The following DLG2 variants were observed in gnomAD, a reference collection of about 807,000 sequenced individuals.
DLG2 encodes discs large MAGUK scaffold protein 2.
A neutral mutation model predicts 132.5 loss-of-function variants in DLG2; 45 were observed. The observed-to-expected ratio is 0.34, with a 90% CI of 0.27 to 0.44. DLG2 has a LOEUF of 0.44. Among genes scored for constraint, DLG2 ranks in the 20% least tolerant of loss-of-function variants. The pLI is 1.00. For synonymous variants in DLG2, 424 were observed against 419.6 expected, an observed-to-expected ratio of 1.01 and a Z score of -0.13; for missense variants, 1,045 against 1,196.9, an observed-to-expected ratio of 0.87 and a Z score of 1.87.
intron 3 of DLG2, among the ~76,000 whole-genome samples, chr11:85,397,137 G>A (rs1451341539): frequency 6.6e-6 from 1 of 152,126 alleles, no homozygotes; most frequent in Non-Finnish European, 1.5e-5. Context: ...CATTCTTAAA[G>A]AAAAGAGTTT....
At chr11:84,562,770 G>C (rs1429430361) in intron 6 of DLG2, among the ~76,000 whole-genome samples, 2 of 144,560 alleles carry the variant, frequency 1.4e-5, no homozygotes, top group Non-Finnish European at 3.0e-5. Context: ...TTTCTTTTGA[G>C]ACAGGTTCTT....
intron 6 of DLG2, among the ~76,000 whole-genome samples, chr11:84,792,515 A>T (rs568596313): frequency 5.9e-4 from 89 of 152,130 alleles, no homozygotes; most frequent in Middle Eastern, 3.4e-3. Context: ...TACTTCTTTA[A>T]ATCTTGGTAG....
At chr11:84,735,909 T>C (rs189369157) in intron 6 of DLG2, among the ~76,000 whole-genome samples, 4 of 152,046 alleles carry the variant, frequency 2.6e-5, no homozygotes, top group Admixed American at 2.6e-4. Context: ...TTTTTATTAT[T>C]GATGAATGCA....
intron 7 of DLG2, among the ~76,000 whole-genome samples, chr11:84,342,056 T>C (rs1008671731): frequency 2.7e-5 from 4 of 147,184 alleles, no homozygotes; most frequent in Non-Finnish European, 4.5e-5. Flanking sequence ...TGGACTTTTC[T>C]TTTTTTTTTT....
At chr11:84,066,665 G>A (rs1294285605) in intron 10 of DLG2, among the ~76,000 whole-genome samples, 1 of 152,140 alleles carries the variant, frequency 6.6e-6, no homozygotes, top group Non-Finnish European at 1.5e-5. Context: ...GGAGGCTGAG[G>A]CAGGAGAATC....
chr11:83,790,784 A>G, intron 17 of DLG2: 1 of 758,642 alleles, frequency 1.3e-6, no homozygotes, highest in South Asian at 1.4e-5. Context: ...CCTGACTCTC[A>G]TCTTCGGGGA....
chr11:84,920,800 C>T (rs2092716961), intron 6 of DLG2, among the ~76,000 whole-genome samples: 1 of 151,914 alleles, frequency 6.6e-6, no homozygotes. Context: ...ATACCACTCT[C>T]AATAAAATTC....
chr11:83,597,641 C>G (rs1007113466), intron 19 of DLG2, among the ~76,000 whole-genome samples: 1 of 150,612 alleles, frequency 6.6e-6, no homozygotes, highest in Non-Finnish European at 1.5e-5. Context: ...AAAAAATTAG[C>G]CAGACATGGT....
chr11:84,478,102 G>A (rs1021401047), intron 7 of DLG2, among the ~76,000 whole-genome samples: 6 of 152,084 alleles, frequency 3.9e-5, no homozygotes, highest in Non-Finnish European at 8.8e-5. Context: ...AAACCTCTAT[G>A]TACTTAATAA....
intron 9 of DLG2, among the ~76,000 whole-genome samples, chr11:84,131,588 C>T (rs889130803): frequency 6.6e-6 from 1 of 151,868 alleles, no homozygotes; most frequent in African/African-American, 2.4e-5. Flanking sequence ...TAATGATGAA[C>T]CACATCTGAG....
chr11:85,321,021 A>C (rs1477890358), intron 3 of DLG2, among the ~76,000 whole-genome samples: 1 of 151,914 alleles, frequency 6.6e-6, no homozygotes, highest in African/African-American at 2.4e-5. Flanking sequence ...AAAATAAAAT[A>C]AAATAAAATA....
intron 17 of DLG2, among the ~76,000 whole-genome samples, chr11:83,796,411 T>C (rs1486711729): frequency 6.6e-6 from 1 of 152,352 alleles, no homozygotes; most frequent in Non-Finnish European, 1.5e-5. Context: ...TCTTCTTCTA[T>C]ATGATCCTAA....
chr11:85,523,455 A>G (rs2074479129), intron 3 of DLG2, among the ~76,000 whole-genome samples: 2 of 152,242 alleles, frequency 1.3e-5, no homozygotes, highest in African/African-American at 4.8e-5. Flanking sequence ...GAAGACATAC[A>G]AATAGGCAAA....
intron 3 of DLG2, among the ~76,000 whole-genome samples, chr11:85,495,081 C>G (rs1365706655): frequency 6.6e-6 from 1 of 151,964 alleles, no homozygotes. Context: ...GGCCAATGAA[C>G]ATATAAAGAG....
intron 4 of DLG2, among the ~76,000 whole-genome samples, chr11:85,195,470 G>A (rs1368255526): frequency 6.6e-6 from 1 of 151,498 alleles, no homozygotes; most frequent in Non-Finnish European, 1.5e-5. Flanking sequence ...TAGAAACCTA[G>A]AATTGGGCAA....
At chr11:85,277,880 TTC>T (rs1367372816) in intron 4 of DLG2, among the ~76,000 whole-genome samples, 7 of 152,174 alleles carry the variant, frequency 4.6e-5, no homozygotes, top group African/African-American at 1.7e-4. Context: ...TGTCACCGGT[TTC>T]TCTTGTCTAT....
intron 6 of DLG2, among the ~76,000 whole-genome samples, chr11:85,014,942 C>T (rs57374267): frequency 0.014 from 2,103 of 152,270 alleles, 47 homozygotes; most frequent in African/African-American, 0.047. Flanking sequence ...TTCTGTGTCT[C>T]TTAGCAGATT....
chr11:84,856,627 A>T (rs550144977), intron 6 of DLG2, among the ~76,000 whole-genome samples: 14 of 152,180 alleles, frequency 9.2e-5, no homozygotes, highest in Admixed American at 9.2e-4. Flanking sequence ...TAATTTTCTC[A>T]TGGCTAGTCA....
chr11:85,270,311 G>A lies in DLG2; in HGVS notation c.186+14909C>T, dbSNP rs751035372. ...TTCCCTGCATAAGTTGTCTTCTCTTGTCTGCCGCCATGTGAGACATGCCTT... is the reference window on the plus strand; with the variant it reads ...TTCCCTGCATAAGTTGTCTTCTCTTATCTGCCGCCATGTGAGACATGCCTT... On this transcript the variant is annotated intron_variant, in intron 4 of 27. Coordinates refer to ENST00000376104, the MANE Select transcript of DLG2 (RefSeq NM_001142699.3). 1.2e-4 allele frequency among the ~76,000 whole-genome samples: 18 copies of A among 152,164 alleles called. 1 individual carries two copies. Among genetic ancestry groups the A allele is most frequent in the Non-Finnish European group, 2.6e-4 (18 of 68,036 alleles).
Sources: gnomAD v4.1 joint callset for allele counts (sites outside exome capture counted in the v4.1 genomes callset) on GRCh38, gnomAD v4.1.1 for gene constraint, MANE v1.5 for transcripts, NCBI Gene and HGNC (gene_info 2026-07-23, HGNC 2026-07-21) for gene names.